The following USH2A variants were observed in gnomAD, a reference collection of about 807,000 sequenced individuals.
The protein encoded by USH2A is Usher syndrome 2A (autosomal recessive, mild).
A neutral mutation model predicts 538.9 loss-of-function variants in USH2A; 443 were observed. The observed-to-expected ratio is 0.82, with a 90% CI of 0.76 to 0.89. The LOEUF is 0.89. USH2A is among the 40% of genes least tolerant of loss of function. USH2A has a pLI of 0.00. For synonymous variants in USH2A, 2,413 were observed against 2,273.5 expected (o/e 1.06, Z -1.75); for missense variants, 6,633 against 6,324.8 (o/e 1.05, Z -1.65).
chr1:216,126,295 C>G (rs1180622901), intron 21 of USH2A, among the ~76,000 whole-genome samples: 1 of 152,122 alleles, frequency 6.6e-6, no homozygotes, highest in East Asian at 1.9e-4. Context: ...GGGATCTCAG[C>G]TCAGTGCTAC....
chr1:216,344,952 A>G (rs2038146475), intron 4 of USH2A, among the ~76,000 whole-genome samples: 1 of 150,990 alleles, frequency 6.6e-6, no homozygotes. Context: ...TGTGGGTGAC[A>G]TAATTAGGCA....
rs6683328 is a variant in USH2A, at chr1:216,329,660, G to A, written c.785-2006C>T. 1.7e-3 allele frequency among the ~76,000 whole-genome samples: 261 copies of A among 151,880 alleles called. 2 individuals carry two copies. The highest frequency in any genetic ancestry group is 6.0e-3 in the African/African-American group (250 of 41,440). ...ATTTTTAATGCCCCACAACCTTCAG[G>A]CTCTCTCAGCCCTAAGGTTCCCATT... On this transcript the variant is annotated intron_variant, in intron 4 of 71. Coordinates refer to ENST00000307340, the MANE Select transcript of USH2A (RefSeq NM_206933.4).
chr1:216,245,036 A>T (rs1405057918), intron 13 of USH2A, among the ~76,000 whole-genome samples: 2 of 152,172 alleles, frequency 1.3e-5, no homozygotes, highest in Non-Finnish European at 2.9e-5. Flanking sequence ...AAAATTAGAG[A>T]TATTGATAAA....
rs188627083 is a variant in USH2A, at chr1:215,934,360, A to G, written c.7300+256T>C. Among the ~76,000 whole-genome samples the G allele has an allele frequency of 3.9e-5, 6 of 151,974 alleles. No individual in the cohort carries two copies. In the East Asian group the frequency reaches 9.7e-4, roughly 25 times the overall value. Reference sequence around the variant, plus strand: ...CAGATATATATATGTGTGTGTGTGTATGTGTGTATGGTATATACACACACA... The same window carrying G: ...CAGATATATATATGTGTGTGTGTGTGTGTGTGTATGGTATATACACACACA... On this transcript the variant is annotated intron_variant, in intron 38 of 71. Transcript: ENST00000307340.
intron 48 of USH2A, among the ~76,000 whole-genome samples, chr1:215,815,521 T>C (rs3922820): frequency 0.056 from 8,483 of 152,102 alleles, 304 homozygotes; most frequent in East Asian, 0.15. Flanking sequence ...AACCAGTCAC[T>C]TATTTGGTAC....
chr1:215,882,015 T>C (rs1664923417), intron 41 of USH2A, among the ~76,000 whole-genome samples: 1 of 152,176 alleles, frequency 6.6e-6, no homozygotes, highest in Admixed American at 6.5e-5. Flanking sequence ...GGCTTCAGGC[T>C]TGAAAAGAGT....
chr1:216,055,003 C>T (rs1361283790), intron 30 of USH2A, among the ~76,000 whole-genome samples: 1 of 152,198 alleles, frequency 6.6e-6, no homozygotes, highest in African/African-American at 2.4e-5. Flanking sequence ...TTCAAATGCA[C>T]TCCAACAATC....
At chr1:215,736,468 G>A (rs572989047) in intron 60 of USH2A, among the ~76,000 whole-genome samples, 3 of 152,184 alleles carry the variant, frequency 2.0e-5, no homozygotes, top group African/African-American at 7.2e-5. Context: ...ATGAAATAAT[G>A]TTGATAAACT....
chr1:216,134,290 C>G (rs2033436485), intron 21 of USH2A, among the ~76,000 whole-genome samples: 1 of 151,968 alleles, frequency 6.6e-6, no homozygotes, highest in Admixed American at 6.6e-5. Context: ...TACAATTTGA[C>G]TCAAGAGGGA....
chr1:215,998,706 G>A (rs1668192681), intron 34 of USH2A, among the ~76,000 whole-genome samples, 181 bp downstream of exon 34: 1 of 151,912 alleles, frequency 6.6e-6, no homozygotes, highest in Non-Finnish European at 1.5e-5. Context: ...AAATAAATGT[G>A]TAGGTATTAG....
At position 215,905,616 on chromosome 1, in the gene USH2A, C is replaced by A. The variant is rs115841321; in HGVS notation, c.7301-4711G>T. On this transcript the variant is annotated intron_variant, in intron 38 of 71. Coordinates refer to ENST00000307340, the MANE Select transcript of USH2A (RefSeq NM_206933.4). ...AGTTAGAAACTCACTTCCAGGGGTG[C>A]ACTGGGCCTTGTCTTTCAGAGATCC... Among the ~76,000 whole-genome samples, 1,116 of 152,176 alleles carry A rather than the reference C, an allele frequency of 7.3e-3. 8 individuals are homozygous for A. Among genetic ancestry groups the A allele is most frequent in the Non-Finnish European group, 0.011 (728 of 67,966 alleles).
At chr1:216,040,858 G>A (rs1376868202) in intron 32 of USH2A, among the ~76,000 whole-genome samples, 1 of 151,872 alleles carries the variant, frequency 6.6e-6, no homozygotes, top group Admixed American at 6.6e-5. Context: ...AGAAATAAGA[G>A]ATTAATGGAG....
At chr1:215,836,567 T>A (rs930359028) in intron 47 of USH2A, among the ~76,000 whole-genome samples, 22 of 68,390 alleles carry the variant, frequency 3.2e-4, no homozygotes, top group Admixed American at 8.1e-4. Context: ...ATATATATAT[T>A]TTTTTTTGAG....
chr1:216,285,555 A>C (rs2036865344), intron 11 of USH2A, among the ~76,000 whole-genome samples: 1 of 152,212 alleles, frequency 6.6e-6, no homozygotes, highest in South Asian at 2.1e-4. Context: ...CAGACCCCCC[A>C]CACAGAGTCC....
chr1:215,649,941 C>T lies in USH2A; in HGVS notation c.14343+651G>A, dbSNP rs756450868. ...AACTGGTCTAGTTGATTCTTAGCAT[C>T]GCTTCCGGGAAGTGGCTTGGCTAAC... is the stretch of plus-strand genomic sequence containing the variant. On this transcript the variant is annotated intron_variant, in intron 65 of 71. Coordinates refer to ENST00000307340, the MANE Select transcript of USH2A (RefSeq NM_206933.4). Among the ~76,000 whole-genome samples the T allele has an allele frequency of 6.6e-5, 10 of 152,248 alleles. No homozygotes were observed. In the South Asian group the frequency reaches 1.9e-3, roughly 29 times the overall value.
At chr1:216,004,608 A>C (rs1283819361) in intron 32 of USH2A, among the ~76,000 whole-genome samples, 3 of 152,224 alleles carry the variant, frequency 2.0e-5, no homozygotes, top group African/African-American at 7.2e-5. Context: ...TGAATAAAAG[A>C]ACATTTTCAA....
intron 64 of USH2A, among the ~76,000 whole-genome samples, chr1:215,665,825 T>A (rs1053895572): frequency 6.6e-6 from 1 of 152,266 alleles, no homozygotes; most frequent in African/African-American, 2.4e-5. Flanking sequence ...AGCAAGACTG[T>A]GATCTCTGTT....
chr1:216,390,558 A>C (rs1313464082), intron 3 of USH2A, among the ~76,000 whole-genome samples: 1 of 152,218 alleles, frequency 6.6e-6, no homozygotes, highest in Non-Finnish European at 1.5e-5. Context: ...TGTTCAATTA[A>C]AACATTTTAG....
At chr1:215,937,718 G>C (rs528297399) in intron 37 of USH2A, among the ~76,000 whole-genome samples, 2 of 152,086 alleles carry the variant, frequency 1.3e-5, no homozygotes, top group East Asian at 1.9e-4. Context: ...CTCAAGTAGC[G>C]TAACTGTGCA....
Sources: allele counts gnomAD v4.1 joint callset (sites outside exome capture counted in the v4.1 genomes callset), GRCh38; gene constraint gnomAD v4.1.1; transcripts MANE v1.5; gene names NCBI Gene and HGNC (gene_info 2026-07-23, HGNC 2026-07-21).